Variants in KLHDC1 observed in about 807,000 individuals in gnomAD.
KLHDC1 encodes the protein kelch domain containing 1.
Under a neutral mutation model 68.3 loss-of-function variants are expected in KLHDC1, and 53 were observed. That is an observed-to-expected ratio of 0.78 (90% CI 0.62 to 0.98). KLHDC1 has a LOEUF of 0.98. Ranked by LOEUF, KLHDC1 falls within the 50% of genes least tolerant of loss-of-function variation. KLHDC1 has a pLI of 0.00. For synonymous variants in KLHDC1, 148 were observed against 159.0 expected (o/e 0.93, Z 0.52); for missense variants, 470 against 492.3 (o/e 0.95, Z 0.43).
intron 12 of KLHDC1, among the ~76,000 whole-genome samples, chr14:49,748,677 G>A (rs2139772191): frequency 6.6e-6 from 1 of 151,904 alleles, no homozygotes; most frequent in African/African-American, 2.4e-5. Flanking sequence ...CATACGATAT[G>A]AAAAGTATAT....
intron 4 of KLHDC1, among the ~76,000 whole-genome samples, chr14:49,715,727 A>C (rs1182602077): frequency 6.1e-4 from 71 of 116,896 alleles, no homozygotes; most frequent in African/African-American, 2.2e-3. Flanking sequence ...CCTGGGTGAC[A>C]AGACTCTGTC....
intron 4 of KLHDC1, among the ~76,000 whole-genome samples, chr14:49,721,681 C>A (rs1028801915): frequency 6.6e-6 from 1 of 152,048 alleles, no homozygotes; most frequent in African/African-American, 2.4e-5. Flanking sequence ...TTACTAGGGC[C>A]CCCTATTTGG....
At chr14:49,739,949 C>A (rs1237360411) in intron 10 of KLHDC1, 149 bp from the exon 11 acceptor site, 2 of 498,892 alleles carry the variant, frequency 4.0e-6, no homozygotes, top group Non-Finnish European at 7.1e-6. Flanking sequence ...TCTTTATAAC[C>A]CTTTTTAGGA....
intron 11 of KLHDC1, 30 bp downstream of exon 11, chr14:49,740,212 T>C (rs1381039254): frequency 1.5e-6 from 2 of 1,337,962 alleles, no homozygotes; most frequent in Non-Finnish European, 2.1e-6. Flanking sequence ...AAATATTTCC[T>C]CTGAGTAGTT....
intron 6 of KLHDC1, among the ~76,000 whole-genome samples, chr14:49,728,680 A>T (rs1322844596): frequency 6.6e-6 from 1 of 152,248 alleles, no homozygotes; most frequent in Non-Finnish European, 1.5e-5. Flanking sequence ...ATTTTGCTAA[A>T]TAGTGTCAGA....
intron 4 of KLHDC1, among the ~76,000 whole-genome samples, chr14:49,713,798 GTATATATA>G (rs1174449263): frequency 2.9e-4 from 17 of 58,552 alleles, no homozygotes; most frequent in East Asian, 6.5e-4. Context: ...GAGGCAGGAG[GTATATATA>G]TATATATATA....
intron 4 of KLHDC1, among the ~76,000 whole-genome samples, chr14:49,715,150 T>G (rs970677677): frequency 1.3e-5 from 2 of 149,178 alleles, no homozygotes; most frequent in African/African-American, 4.9e-5. Flanking sequence ...TGAGACAGAG[T>G]CTCATTCTGT....
At chr14:49,744,129 A>T (rs1338763105) in intron 12 of KLHDC1, among the ~76,000 whole-genome samples, 3 of 152,138 alleles carry the variant, frequency 2.0e-5, no homozygotes, top group Non-Finnish European at 4.4e-5. Context: ...TACAAAAAAA[A>T]AAAAGTAGCT....
At chr14:49,748,731 A>G (rs1233554490) in intron 12 of KLHDC1, among the ~76,000 whole-genome samples, 1 of 151,936 alleles carries the variant, frequency 6.6e-6, no homozygotes, top group African/African-American at 2.4e-5. Flanking sequence ...GTATATATAT[A>G]CATGTATTAG....
chr14:49,736,211 T>C (rs1888927326), intron 10 of KLHDC1, among the ~76,000 whole-genome samples: 1 of 152,226 alleles, frequency 6.6e-6, no homozygotes, highest in Non-Finnish European at 1.5e-5. Flanking sequence ...AACACAACTA[T>C]TATCTATAAT....
chr14:49,703,844 G>T (rs1473771131), intron 1 of KLHDC1, among the ~76,000 whole-genome samples: 1 of 152,106 alleles, frequency 6.6e-6, no homozygotes, highest in East Asian at 1.9e-4. Flanking sequence ...TGAGTTTACT[G>T]CAATTTATCC....
intron 9 of KLHDC1, 53 bp from the exon 10 acceptor site, chr14:49,734,536 A>G: frequency 9.7e-7 from 1 of 1,030,296 alleles, no homozygotes. Flanking sequence ...GGGAAAATTA[A>G]AATTGTATCC....
rs1334893890 is a variant in KLHDC1 at position 49,718,563 on chromosome 14, G to A, written c.405-5311G>A. Among the ~76,000 whole-genome samples, 8 of 152,156 alleles carry A rather than the reference G, an allele frequency of 5.3e-5. No homozygotes were observed. In the East Asian group the frequency reaches 1.5e-3, roughly 29 times the overall value. On this transcript the variant is annotated intron_variant, in intron 4 of 12. Coordinates refer to ENST00000359332, the MANE Select transcript of KLHDC1 (RefSeq NM_172193.3). Reference sequence around the variant, plus strand: ...CCCAAAGTGCTGGGATTACAGGTGTGAACCAGCATGCCTAGCATAGTATTC... The same window carrying A: ...CCCAAAGTGCTGGGATTACAGGTGTAAACCAGCATGCCTAGCATAGTATTC...
At chr14:49,750,952 GT>G (rs1219961801) in intron 12 of KLHDC1, 5 of 152,142 alleles carry the variant, frequency 3.3e-5, no homozygotes, top group Non-Finnish European at 7.3e-5. Context: ...CCGTGCAGTT[GT>G]TTATGGAAGA....
At chr14:49,719,373 A>AT (rs999856707) in intron 4 of KLHDC1, among the ~76,000 whole-genome samples, 1 of 150,318 alleles carries the variant, frequency 6.7e-6, no homozygotes, top group Non-Finnish European at 1.5e-5. Flanking sequence ...GGTTGACAGG[A>AT]TTTTTTTTCT....
At chr14:49,749,367 C>T (rs2139772750) in intron 12 of KLHDC1, among the ~76,000 whole-genome samples, 1 of 152,088 alleles carries the variant, frequency 6.6e-6, no homozygotes, top group Admixed American at 6.6e-5. Context: ...GGTTCTATCT[C>T]GTGGAAATAC....
At chr14:49,701,911 G>A (rs1245807632) in intron 1 of KLHDC1, among the ~76,000 whole-genome samples, 2 of 151,698 alleles carry the variant, frequency 1.3e-5, no homozygotes, top group Admixed American at 6.6e-5. Flanking sequence ...GCTCACGCCT[G>A]TAATCCCAGC....
chr14:49,733,043 T>C (rs78306090), intron 9 of KLHDC1, among the ~76,000 whole-genome samples: 1 of 152,164 alleles, frequency 6.6e-6, no homozygotes, highest in Non-Finnish European at 1.5e-5. Context: ...TGAAGCTAGA[T>C]GAAACAAAGC....
intron 4 of KLHDC1, 59 bp from the exon 5 acceptor site, chr14:49,723,815 T>C: frequency 1.0e-6 from 1 of 984,628 alleles, no homozygotes; most frequent in Admixed American, 2.4e-5. Context: ...TTTTCAGCTT[T>C]CTATGAACAA....
Sources: gnomAD v4.1 joint callset for allele counts (sites outside exome capture counted in the v4.1 genomes callset) on GRCh38, gnomAD v4.1.1 for gene constraint, MANE v1.5 for transcripts, NCBI Gene and HGNC (gene_info 2026-07-23, HGNC 2026-07-21) for gene names.